Variants in MPRIP observed in about 807,000 individuals in gnomAD.
MPRIP encodes the protein myosin phosphatase Rho interacting protein.
In MPRIP, 59 loss-of-function variants were observed where a neutral mutation model predicts 234.9. That is an observed-to-expected ratio of 0.25 (90% CI 0.20 to 0.31). The LOEUF (loss-of-function observed/expected upper bound fraction) is 0.31. Ranked by LOEUF, MPRIP falls within the 10% of genes least tolerant of loss-of-function variation. The pLI is 1.00. For synonymous variants in MPRIP, 1,144 were observed against 1,263.9 expected (o/e 0.91, Z 2.01); for missense variants, 2,436 against 3,071.0 (o/e 0.79, Z 4.89).
chr17:17,123,389 C>T (rs1459568442), intron 3 of MPRIP, among the ~76,000 whole-genome samples: 2 of 152,086 alleles, frequency 1.3e-5, no homozygotes, highest in African/African-American at 2.4e-5. Context: ...AGGCCAGGGG[C>T]GGTGGCTTCG....
At chr17:17,170,886 T>C (rs2046117906) in intron 16 of MPRIP, 1 of 152,228 alleles carries the variant, frequency 6.6e-6, no homozygotes, top group South Asian at 2.1e-4. Context: ...CTTCCTGGTG[T>C]GGCTTGCTCC....
At chr17:17,143,417 T>C in intron 8 of MPRIP, 139 bp from the exon 9 acceptor site, 1 of 506,412 alleles carries the variant, frequency 2.0e-6, no homozygotes, top group Non-Finnish European at 3.4e-6. Flanking sequence ...GCAGACTTGC[T>C]ATGGTGGCTA....
chr17:17,112,806 C>T (rs192111403), intron 3 of MPRIP, among the ~76,000 whole-genome samples: 223 of 152,270 alleles, frequency 1.5e-3, no homozygotes, highest in Non-Finnish European at 2.4e-3. Context: ...GAGGATGAGG[C>T]GGCCCTCAGG....
Position 17,186,319 on chromosome 17 carries a change from A to C in MPRIP, c.*1425A>C, listed in dbSNP as rs559324703. The C allele has an allele frequency of 3.3e-5, 5 of 152,350 alleles. No individual in the cohort carries two copies. The South Asian group carries it at 1.0e-3, about 32-fold the overall frequency. The allele number at this position is 152,350 out of a possible 1,614,324, so 9.4% of individuals were successfully genotyped here. On this transcript the variant is annotated 3_prime_UTR_variant, in exon 24 of 24. Transcript: ENST00000651222. The stretch of plus-strand genomic sequence containing the variant: ...TCAGTTTCTAGATGAAGTCATGAGC[A>C]AGGCCATCAGTGGAGCTCTGGCCCC...
chr17:17,177,212 T>G, intron 21 of MPRIP, 38 bp from the exon 22 acceptor site: 1 of 1,595,750 alleles, frequency 6.3e-7, no homozygotes, highest in Non-Finnish European at 8.6e-7. Flanking sequence ...TCCTCTTTCC[T>G]GGATGTAACT....
rs1407716424 is a variant in MPRIP at position 17,188,604 on chromosome 17, A to T, written c.*3710A>T. On this transcript the variant is annotated 3_prime_UTR_variant, in exon 24 of 24. Coordinates refer to ENST00000651222, the MANE Select transcript of MPRIP (RefSeq NM_001364716.4). Reference sequence around the variant, plus strand: ...ACAGATAAGGCCGGAAACAAAACTGATGGCTTGAAAAACATTTTTATGGAA... The same window carrying T: ...ACAGATAAGGCCGGAAACAAAACTGTTGGCTTGAAAAACATTTTTATGGAA... 5 of 152,236 alleles carry T rather than the reference A, an allele frequency of 3.3e-5. No homozygotes were observed. The highest frequency in any genetic ancestry group is 7.3e-5 in the Non-Finnish European group (5 of 68,048). The allele number at this position is 152,236 out of a possible 1,614,324, so 9.4% of individuals were successfully genotyped here.
intron 1 of MPRIP, among the ~76,000 whole-genome samples, chr17:17,058,525 T>G (rs1164938899): frequency 2.3e-5 from 3 of 131,268 alleles, no homozygotes; most frequent in African/African-American, 5.9e-5. Flanking sequence ...CCATGGAGAG[T>G]GGGGACCCAG....
intron 1 of MPRIP, among the ~76,000 whole-genome samples, chr17:17,061,224 G>T (rs186378264): frequency 6.6e-6 from 1 of 152,328 alleles, no homozygotes; most frequent in Non-Finnish European, 1.5e-5. Context: ...ACTTTGCTGT[G>T]TGCTCACCCC....
At chr17:17,065,429 C>T (rs920229028) in intron 1 of MPRIP, among the ~76,000 whole-genome samples, 1 of 146,022 alleles carries the variant, frequency 6.8e-6, no homozygotes, top group Admixed American at 6.9e-5. Context: ...ACTCTAGCAC[C>T]ATTTGTTGAA....
At chr17:17,050,107 C>T (rs1363684971) in intron 1 of MPRIP, among the ~76,000 whole-genome samples, 2 of 152,142 alleles carry the variant, frequency 1.3e-5, no homozygotes, top group African/African-American at 4.8e-5. Flanking sequence ...GCGGGTGGAT[C>T]ACGAGGTCAG....
chr17:17,101,722 G>A (rs2089965560), intron 3 of MPRIP, among the ~76,000 whole-genome samples: 1 of 152,226 alleles, frequency 6.6e-6, no homozygotes, highest in Non-Finnish European at 1.5e-5. Context: ...GTTTCCTGAG[G>A]GTAGAGTTCT....
chr17:17,185,844 A>C lies in MPRIP; in HGVS notation c.*950A>C. 3.4e-6 allele frequency: 1 copy of C among 291,918 alleles called. No individual in the cohort carries two copies. Among genetic ancestry groups the C allele is most frequent in the Non-Finnish European group, 6.7e-6 (1 of 148,912 alleles). 18.1% of individuals were successfully genotyped at this position (291,918 alleles called of 1,614,324 possible). On this transcript the variant is annotated 3_prime_UTR_variant, in exon 24 of 24. Coordinates refer to ENST00000651222, the MANE Select transcript of MPRIP (RefSeq NM_001364716.4). ...TTAAGTCAAGAAGAAAGTACAGAGG[A>C]TGTCAGAATCTGATGAGAACAGCAC...
At chr17:17,147,426 G>A in intron 11 of MPRIP, 39 bp downstream of exon 11, 5 of 1,596,884 alleles carry the variant, frequency 3.1e-6, no homozygotes, top group Non-Finnish European at 4.3e-6. Context: ...GGAGACAGCT[G>A]GAGGGGTCCA....
At position 17,164,904 on chromosome 17, in the gene MPRIP, G is replaced by A. The variant is rs1015620154; in HGVS notation, c.3313G>A (p.Asp1105Asn). 7.7e-7 allele frequency: 1 copy of A among 1,303,794 alleles called. No homozygotes were observed. The highest frequency in any genetic ancestry group is 1.0e-6 in the Non-Finnish European group (1 of 988,658). The allele number at this position is 1,303,794 out of a possible 1,614,324, so 80.8% of individuals were successfully genotyped here. The change falls in exon 16 of 24, where the codon GAC (aspartate) becomes AAC (asparagine). Residue 1105 changes from aspartate (D) to asparagine (N), a missense_variant. Asp to Asn is a conservative substitution (Grantham distance 23). Around this residue, in one of 4 missense-constraint regions of MPRIP, gnomAD observed 1,998 missense variants for 2,520.3 expected, o/e 0.79. Transcript: ENST00000651222. ...CGCAGAGCACGTGCAGAGCCTCTGT[G>A]ACGAGCGGGACCTCCTCAGACAGCG... The part of the protein sequence containing the change: ...RLAEHVQSLC[D>N]ERDLLRQRFQ...
rs554205970 is a variant in MPRIP at position 17,112,396 on chromosome 17, G to A, written c.268-14306G>A. Among the ~76,000 whole-genome samples, 9 of 152,220 alleles carry A rather than the reference G, an allele frequency of 5.9e-5. No individual in the cohort carries two copies. In the East Asian group the frequency reaches 1.2e-3, roughly 20 times the overall value. Reference sequence around the variant, plus strand: ...GCTATGTATGCCCTCTCTTCCCCCCGTATCATGAAGTCTGTGGCAGGCACC... The same window carrying A: ...GCTATGTATGCCCTCTCTTCCCCCCATATCATGAAGTCTGTGGCAGGCACC... On this transcript the variant is annotated intron_variant, in intron 3 of 23. Transcript: ENST00000651222.
rs1418295565 is a variant in MPRIP at position 17,192,480 on chromosome 17, AGTTT to A, written c.*7589_*7592del. 1 of 114,426 alleles carries A rather than the reference AGTTT, an allele frequency of 8.7e-6. No individual in the cohort carries two copies. The highest frequency in any genetic ancestry group is 1.7e-5 in the Non-Finnish European group (1 of 60,004). 7.1% of individuals were successfully genotyped at this position (114,426 alleles called of 1,614,324 possible). A position where few individuals can be genotyped will look rare whatever the true frequency, so the allele number is the denominator to read the frequency against. ...AGGCTTTTTTTTTTTTTACAAAGTT[AGTTT>A]GTGATCAACGATTCACTACAATTGA... On this transcript the variant is annotated 3_prime_UTR_variant, in exon 24 of 24. Transcript: ENST00000651222.
At chr17:17,109,661 G>A (rs947420093) in intron 3 of MPRIP, among the ~76,000 whole-genome samples, 1 of 152,134 alleles carries the variant, frequency 6.6e-6, no homozygotes. Context: ...TGTGAGACCC[G>A]CGAAACAATG....
At chr17:17,180,805 T>C in intron 23 of MPRIP, 1 of 903,634 alleles carries the variant, frequency 1.1e-6, no homozygotes, top group Non-Finnish European at 1.8e-6. Context: ...TTTAACCTGC[T>C]CTGGGGAGTT....
chr17:17,131,585 T>TA, intron 4 of MPRIP, 32 bp from the exon 5 acceptor site: 6 of 1,591,686 alleles, frequency 3.8e-6, no homozygotes, highest in Non-Finnish European at 5.2e-6. Flanking sequence ...GCCAGGGTCT[T>TA]ACCTGGTACT....
Sources: gnomAD v4.1 joint callset for allele counts (sites outside exome capture counted in the v4.1 genomes callset) on GRCh38, gnomAD v4.1.1 for gene constraint, gnomAD v4.1.1 regional missense constraint, MANE v1.5 for transcripts, NCBI Gene and HGNC (gene_info 2026-07-23, HGNC 2026-07-21) for gene names.